The following POF1B variants were observed in gnomAD, a reference collection of about 807,000 sequenced individuals.
POF1B encodes POF1B actin binding protein.
Under a neutral mutation model 55.3 loss-of-function variants are expected in POF1B, and 53 were observed. That is an observed-to-expected ratio of 0.96 (90% CI 0.77 to 1.20). The LOEUF (loss-of-function observed/expected upper bound fraction) is 1.20. Ranked by LOEUF, POF1B falls within the 50% of genes most tolerant of loss-of-function variation. The pLI, the probability that POF1B is intolerant of heterozygous loss-of-function variation, is 0.00. For synonymous variants in POF1B, 188 were observed against 148.3 expected (o/e 1.27, Z -1.95); for missense variants, 478 against 420.5 (o/e 1.14, Z -1.20).
At chrX:85,282,364 C>A in intron 15 of POF1B, 47 bp from the exon 16 acceptor site, 2 of 910,667 alleles carry the variant, frequency 2.2e-6, no homozygotes, top group Non-Finnish European at 3.0e-6. Context: ...GAGAAAATAA[C>A]TTTCATTCCT....
intron 7 of POF1B, among the ~76,000 whole-genome samples, chrX:85,317,273 A>G (rs778357893): frequency 4.4e-4 from 47 of 107,898 alleles, no homozygotes; most frequent in Non-Finnish European, 7.4e-4. Flanking sequence ...AGAACTTAAA[A>G]CATAATCAGC....
intron 6 of POF1B, among the ~76,000 whole-genome samples, chrX:85,333,670 C>T (rs1472322522): frequency 9.0e-6 from 1 of 110,746 alleles, no homozygotes; most frequent in Non-Finnish European, 1.9e-5. Context: ...TCCCTTGTAC[C>T]TTCCTTACTA....
Position 85,379,176 on chromosome X carries a change from AG to A in POF1B, c.278del (p.Ser93PhefsTer9). 1 of 1,209,957 alleles carries A rather than the reference AG, an allele frequency of 8.3e-7. No individual in the cohort carries two copies. The highest frequency in any genetic ancestry group is 1.7e-5 in the African/African-American group (1 of 57,737). ...SYQNLVWSDH[S>X]QELHSPTLKI... ...GGCATAGCTTTCTTTGTTGTACCTG[AG>A]AATGGTCGCTCCAAACCAAATTTTG... On this transcript the variant is annotated frameshift_variant, in exon 2 of 17. Transcript: ENST00000262753. LOFTEE classifies it high-confidence loss of function.
At chrX:85,362,166 A>G (rs895425452) in intron 3 of POF1B, among the ~76,000 whole-genome samples, 3 of 111,067 alleles carry the variant, frequency 2.7e-5, no homozygotes, top group Non-Finnish European at 5.7e-5. Context: ...GAGTTTCTAG[A>G]TATAGAATCA....
At chrX:85,351,491 G>T in intron 4 of POF1B, 40 bp from the exon 5 acceptor site, 1 of 1,044,146 alleles carries the variant, frequency 9.6e-7, no homozygotes, top group Non-Finnish European at 1.3e-6. Context: ...TTTGAAAGTT[G>T]TCTTTTCAGA....
In POF1B at chrX:85,342,028, C is replaced by T. The variant is rs550530466; in HGVS notation, c.723+3832G>A. ...ATTTGAATATTTCTTACAAATGCCA[C>T]CTATATGACAACTTGTAAAATGACT... On this transcript the variant is annotated intron_variant, in intron 6 of 16. Transcript: ENST00000262753. Among the ~76,000 whole-genome samples the T allele has an allele frequency of 1.0e-3, 114 of 111,299 alleles. No individual in the cohort carries two copies. The South Asian group carries it at 0.023, about 22-fold the overall frequency.
At chrX:85,307,565 C>T (rs1324376515) in intron 10 of POF1B, among the ~76,000 whole-genome samples, 1 of 111,027 alleles carries the variant, frequency 9.0e-6, no homozygotes, top group East Asian at 2.8e-4. Flanking sequence ...CCTCGTTAAT[C>T]CCAGCGAGTG....
intron 9 of POF1B, 116 bp downstream of exon 9, chrX:85,314,315 TC>T: frequency 1.8e-6 from 1 of 546,229 alleles, no homozygotes; most frequent in Non-Finnish European, 2.8e-6. Context: ...CAAAGAATCC[TC>T]AACTCTTAGG....
intron 6 of POF1B, among the ~76,000 whole-genome samples, chrX:85,337,691 G>T (rs1219290133): frequency 1.8e-5 from 2 of 111,521 alleles, no homozygotes; most frequent in East Asian, 2.8e-4. Flanking sequence ...TTGAAATAAA[G>T]AACTAATTTA....
At chrX:85,322,980 C>A (rs1385355168) in intron 7 of POF1B, among the ~76,000 whole-genome samples, 6 of 109,719 alleles carry the variant, frequency 5.5e-5, no homozygotes, top group Non-Finnish European at 7.6e-5. Flanking sequence ...AATAGGAACA[C>A]TTTTACACTG....
At chrX:85,345,491 A>G (rs1933251608) in intron 6 of POF1B, among the ~76,000 whole-genome samples, 1 of 111,536 alleles carries the variant, frequency 9.0e-6, no homozygotes, top group African/African-American at 3.2e-5. Context: ...GTGAAATGTG[A>G]CCATTAAAAT....
rs762058653 is a variant in POF1B, at chrX:85,359,869, TC to T, written c.358-240del. Among the ~76,000 whole-genome samples, 36 of 111,266 alleles carry T rather than the reference TC, an allele frequency of 3.2e-4. No individual in the cohort carries two copies. In the South Asian group the frequency reaches 6.4e-3, roughly 20 times the overall value. On this transcript the variant is annotated intron_variant, in intron 3 of 16. Coordinates refer to ENST00000262753, the MANE Select transcript of POF1B (RefSeq NM_024921.4). ...TCATTTCATGGTATTTCATCCACAT[TC>T]CAAACTATATTTGACAAGCATTTTA...
intron 15 of POF1B, among the ~76,000 whole-genome samples, chrX:85,302,223 T>C (rs769921055): frequency 1.2e-3 from 131 of 111,542 alleles, no homozygotes; most frequent in African/African-American, 4.0e-3. Context: ...CTTGTGAACA[T>C]GTGAAAATCT....
rs1170576818 is a variant in POF1B, at chrX:85,287,472, CA to C, written c.1650-5156del. 2.6e-4 allele frequency among the ~76,000 whole-genome samples: 29 copies of C among 110,874 alleles called. 1 individual carries two copies. Among genetic ancestry groups the C allele is most frequent in the Admixed American group, 2.3e-3 (24 of 10,377 alleles). ...AAGAAATATTATGGCAATTTTATGCCAAAAACTTGGCAATTTAGATGAAATG... is the reference window on the plus strand; with the variant it reads ...AAGAAATATTATGGCAATTTTATGCCAAAACTTGGCAATTTAGATGAAATG... On this transcript the variant is annotated intron_variant, in intron 15 of 16. Transcript: ENST00000262753.
At chrX:85,368,973 G>C (rs1231785771) in intron 2 of POF1B, among the ~76,000 whole-genome samples, 1 of 111,769 alleles carries the variant, frequency 8.9e-6, no homozygotes, top group East Asian at 2.8e-4. Flanking sequence ...AACACTGACA[G>C]ACTCATACAG....
intron 7 of POF1B, among the ~76,000 whole-genome samples, chrX:85,317,474 G>T (rs1260510581): frequency 9.1e-6 from 1 of 109,665 alleles, no homozygotes; most frequent in Non-Finnish European, 1.9e-5. Context: ...CATTCTGACT[G>T]GTGTGAGAAG....
At position 85,314,267 on chromosome X, in the gene POF1B, G is replaced by C. The variant is rs141523863; in HGVS notation, c.957+165C>G. Among the ~76,000 whole-genome samples, 77 of 110,838 alleles carry C rather than the reference G, an allele frequency of 6.9e-4. No individual in the cohort carries two copies. The East Asian group carries it at 0.017, about 24-fold the overall frequency. ...ATGCTAGTGATTCAATATAATTTTT[G>C]GTGATCTCACCAAACTGAAATATAT... On this transcript the variant is annotated intron_variant, in intron 9 of 16. Coordinates refer to ENST00000262753, the MANE Select transcript of POF1B (RefSeq NM_024921.4).
At chrX:85,314,993 T>C (rs969031214) in intron 8 of POF1B, among the ~76,000 whole-genome samples, 4 of 111,464 alleles carry the variant, frequency 3.6e-5, no homozygotes, top group Non-Finnish European at 7.6e-5. Flanking sequence ...TGGAAGATTA[T>C]GATGTTGCCA....
chrX:85,379,124 T>C, intron 2 of POF1B, 49 bp downstream of exon 2: 2 of 1,156,602 alleles, frequency 1.7e-6, no homozygotes, highest in Non-Finnish European at 2.4e-6. Flanking sequence ...AGAAATCAGG[T>C]TGAAGATTGC....
Sources: allele counts gnomAD v4.1 joint callset (sites outside exome capture counted in the v4.1 genomes callset), GRCh38; gene constraint gnomAD v4.1.1; transcripts MANE v1.5; gene names NCBI Gene and HGNC (gene_info 2026-07-23, HGNC 2026-07-21).